The following RAI14 variants were observed in gnomAD, a reference collection of about 807,000 sequenced individuals.
RAI14 encodes retinoic acid induced 14.
Under a neutral mutation model 115.4 loss-of-function variants are expected in RAI14, and 45 were observed. The observed-to-expected ratio is 0.39, with a 90% CI of 0.31 to 0.50. The LOEUF is 0.50. Ranked by LOEUF, RAI14 falls within the 20% of genes least tolerant of loss-of-function variation. RAI14 has a pLI of 0.85. For missense variants in RAI14, 939 were observed against 1,131.2 expected (o/e 0.83, Z 2.44); for synonymous variants, 371 against 415.4 (o/e 0.89, Z 1.30).
rs374586267 is a variant in RAI14, at chr5:34,682,004, C to T, written c.-48-4868C>T. 5.9e-5 allele frequency among the ~76,000 whole-genome samples: 9 copies of T among 151,804 alleles called. No homozygotes were observed. In the East Asian group the frequency reaches 7.8e-4, roughly 13 times the overall value. Reference sequence around the variant, plus strand: ...GGCAGTATCTGGGATTACAGGCATGCGCCACCACGCCCGGCTAATTTTGTA... The same window carrying T: ...GGCAGTATCTGGGATTACAGGCATGTGCCACCACGCCCGGCTAATTTTGTA... On this transcript the variant is annotated intron_variant, in intron 1 of 17. Transcript: ENST00000265109.
intron 2 of RAI14, among the ~76,000 whole-genome samples, chr5:34,695,117 C>T (rs1335713784): frequency 6.6e-6 from 1 of 152,006 alleles, no homozygotes; most frequent in Non-Finnish European, 1.5e-5. Flanking sequence ...CCAGGCTGGT[C>T]CTGAACTCCT....
chr5:34,828,683 G>C (rs910366986), intron 16 of RAI14, among the ~76,000 whole-genome samples: 2 of 152,160 alleles, frequency 1.3e-5, no homozygotes, highest in African/African-American at 4.8e-5. Context: ...TAGGAGGACA[G>C]GTTCTTAGAA....
intron 2 of RAI14, among the ~76,000 whole-genome samples, chr5:34,698,564 G>A (rs1739625785): frequency 6.6e-6 from 1 of 152,106 alleles, no homozygotes; most frequent in South Asian, 2.1e-4. Context: ...CTTCATAGAA[G>A]GTGAGTTAGG....
In RAI14 at chr5:34,757,571, C is replaced by T. The variant is rs753845371; in HGVS notation, c.140C>T (p.Thr47Ile). The T allele has an allele frequency of 2.8e-5, 45 of 1,613,480 alleles. No individual in the cohort carries two copies. Among genetic ancestry groups the T allele is most frequent in the Non-Finnish European group, 3.7e-5 (44 of 1,179,832 alleles). ...SLLGKKGASA[T>I]KHDSEGKTAF... ...CTCGGCAAGAAGGGGGCCAGTGCCA[C>T]CAAACACGACAGTGAGGGCAAGACC... is the stretch of plus-strand genomic sequence containing the variant. The change falls in exon 3 of 18, where the codon ACC (threonine) becomes ATC (isoleucine). Residue 47 changes from threonine to isoleucine, a missense_variant. Coordinates refer to ENST00000265109, the MANE Select transcript of RAI14 (RefSeq NM_015577.3).
chr5:34,683,049 G>A (rs1418521385), intron 1 of RAI14, among the ~76,000 whole-genome samples: 1 of 152,202 alleles, frequency 6.6e-6, no homozygotes, highest in Non-Finnish European at 1.5e-5. Flanking sequence ...GATTCATCTT[G>A]AGGAAGAAGA....
intron 2 of RAI14, among the ~76,000 whole-genome samples, chr5:34,721,286 GA>G (rs1742689568): frequency 1.4e-5 from 1 of 73,200 alleles, no homozygotes; most frequent in African/African-American, 5.7e-5. Context: ...TGTAGATGTA[GA>G]TGTGTATATA....
chr5:34,757,200 T>C (rs1020224500), intron 2 of RAI14: 1 of 499,428 alleles, frequency 2.0e-6, no homozygotes, highest in African/African-American at 1.9e-5. Flanking sequence ...TGCTTCATAT[T>C]CCTAGTGTTA....
At chr5:34,708,084 C>A (rs1299866391) in intron 2 of RAI14, among the ~76,000 whole-genome samples, 1 of 152,148 alleles carries the variant, frequency 6.6e-6, no homozygotes, top group African/African-American at 2.4e-5. Flanking sequence ...TGTCAAGAAA[C>A]TAGATCGTAT....
intron 1 of RAI14, among the ~76,000 whole-genome samples, chr5:34,662,863 G>A (rs1742806181): frequency 6.6e-6 from 1 of 151,148 alleles, no homozygotes; most frequent in South Asian, 2.1e-4. Flanking sequence ...TGAGTAGCTG[G>A]GACTGCAGGT....
intron 1 of RAI14, chr5:34,667,169 C>CTCCT (rs1363484599): frequency 6.6e-6 from 1 of 152,196 alleles, no homozygotes; most frequent in East Asian, 1.9e-4. Context: ...GACCTTGAGA[C>CTCCT]TCCTGTATGT....
chr5:34,787,994 G>C (rs1752515763), intron 3 of RAI14, among the ~76,000 whole-genome samples: 1 of 131,778 alleles, frequency 7.6e-6, no homozygotes, highest in South Asian at 2.5e-4. Flanking sequence ...ACAGCTCACT[G>C]TAGCGTCTAC....
intron 2 of RAI14, among the ~76,000 whole-genome samples, chr5:34,698,862 G>A (rs1223445370): frequency 1.3e-5 from 2 of 152,150 alleles, no homozygotes; most frequent in Non-Finnish European, 2.9e-5. Context: ...CTAGGGCCAG[G>A]GCTAGGCTGG....
At chr5:34,796,217 A>AC (rs1753515916) in intron 4 of RAI14, among the ~76,000 whole-genome samples, 190 bp downstream of exon 4, 1 of 152,144 alleles carries the variant, frequency 6.6e-6, no homozygotes, top group Non-Finnish European at 1.5e-5. Context: ...CAATATGGTT[A>AC]AAACCCATCT....
intron 2 of RAI14, among the ~76,000 whole-genome samples, chr5:34,696,869 G>A (rs1259773164): frequency 1.3e-5 from 2 of 152,192 alleles, no homozygotes; most frequent in Admixed American, 6.5e-5. Flanking sequence ...TGTGGCTCAC[G>A]CCTGCAATCC....
intron 4 of RAI14, 132 bp from the exon 5 acceptor site, chr5:34,803,580 A>G (rs1754532246): frequency 1.3e-6 from 1 of 781,744 alleles, no homozygotes; most frequent in South Asian, 1.8e-5. Flanking sequence ...ACAAACAAAC[A>G]AAAAAACACA....
chr5:34,687,865 C>A, intron 2 of RAI14: 8 of 1,122,518 alleles, frequency 7.1e-6, no homozygotes, highest in Non-Finnish European at 1.0e-5. Context: ...GAGGCTGTGT[C>A]TTTTATGGCT....
At chr5:34,817,272 C>CAAAAAAA (rs34084798) in intron 12 of RAI14, among the ~76,000 whole-genome samples, 1 of 97,174 alleles carries the variant, frequency 1.0e-5, no homozygotes, top group African/African-American at 4.1e-5. Context: ...CACTCCATCT[C>CAAAAAAA]AAAAAAAAAA....
intron 2 of RAI14, among the ~76,000 whole-genome samples, chr5:34,702,842 G>C (rs1740247703): frequency 6.6e-6 from 1 of 152,170 alleles, no homozygotes; most frequent in African/African-American, 2.4e-5. Flanking sequence ...AAGTAGCTGG[G>C]ATTACAGGCA....
intron 2 of RAI14, 102 bp from the exon 3 acceptor site, chr5:34,757,366 T>C: frequency 7.5e-7 from 1 of 1,329,278 alleles, no homozygotes; most frequent in Non-Finnish European, 1.1e-6. Context: ...GGCTTTAATT[T>C]GAGTGACAGG....
Sources: allele counts gnomAD v4.1 joint callset (sites outside exome capture counted in the v4.1 genomes callset), GRCh38; gene constraint gnomAD v4.1.1; transcripts MANE v1.5; gene names NCBI Gene and HGNC (gene_info 2026-07-23, HGNC 2026-07-21).